The following GABRG3 variants were observed in gnomAD, a reference collection of about 807,000 sequenced individuals.
GABRG3 encodes the protein gamma-aminobutyric acid type A receptor subunit gamma3.
Under a neutral mutation model 48.8 loss-of-function variants are expected in GABRG3, and 25 were observed. That is an observed-to-expected ratio of 0.51 (90% CI 0.37 to 0.72). GABRG3 has a LOEUF of 0.72. Ranked by LOEUF, GABRG3 falls within the 30% of genes least tolerant of loss-of-function variation. GABRG3 has a pLI of 0.00. For missense variants in GABRG3, 394 were observed against 577.9 expected, an observed-to-expected ratio of 0.68 and a Z score of 3.26; for synonymous variants, 227 against 217.6, an observed-to-expected ratio of 1.04 and a Z score of -0.38.
intron 3 of GABRG3, among the ~76,000 whole-genome samples, chr15:27,206,236 G>C (rs1888847978): frequency 6.6e-6 from 1 of 152,102 alleles, no homozygotes; most frequent in Non-Finnish European, 1.5e-5. Flanking sequence ...GTGTCCCAGA[G>C]ATCTGGCATG....
intron 5 of GABRG3, among the ~76,000 whole-genome samples, chr15:27,410,282 A>G (rs531873868): frequency 4.5e-4 from 68 of 152,306 alleles, no homozygotes; most frequent in African/African-American, 1.6e-3. Flanking sequence ...CCTTTTAACA[A>G]ATGGCTGGAT....
intron 5 of GABRG3, among the ~76,000 whole-genome samples, chr15:27,381,496 T>G (rs1895775481): frequency 6.6e-6 from 1 of 152,196 alleles, no homozygotes; most frequent in South Asian, 2.1e-4. Context: ...CTCCAGCAAT[T>G]TGTCCATTAC....
intron 6 of GABRG3, among the ~76,000 whole-genome samples, chr15:27,505,345 G>A (rs1488531540): frequency 6.6e-6 from 1 of 152,104 alleles, no homozygotes; most frequent in African/African-American, 2.4e-5. Flanking sequence ...CCACTGTAAA[G>A]TTACAATATT....
chr15:27,251,192 G>A (rs557817241), intron 3 of GABRG3, among the ~76,000 whole-genome samples: 2 of 152,196 alleles, frequency 1.3e-5, no homozygotes, highest in South Asian at 2.1e-4. Context: ...GTCTTTCCTC[G>A]GCCCAGATTT....
intron 3 of GABRG3, among the ~76,000 whole-genome samples, chr15:27,135,276 C>T (rs1897988972): frequency 6.6e-6 from 1 of 152,134 alleles, no homozygotes; most frequent in Non-Finnish European, 1.5e-5. Flanking sequence ...TGATCTTAAT[C>T]AAGCAGAACT....
rs115323618 is a variant in GABRG3 at position 27,266,840 on chromosome 15, T to C, written c.271-59969T>C. On this transcript the variant is annotated intron_variant, in intron 3 of 9. Coordinates refer to ENST00000615808, the MANE Select transcript of GABRG3 (RefSeq NM_033223.5). ...CTTCTAATTGTTTGTGGCTAGTATA[T>C]AGACATACAATTTATTTTTGTATAT... Among the ~76,000 whole-genome samples the C allele has an allele frequency of 8.1e-3, 1,227 of 152,310 alleles. 12 individuals carry two copies. The highest frequency in any genetic ancestry group is 0.028 in the African/African-American group (1,172 of 41,568).
intron 3 of GABRG3, among the ~76,000 whole-genome samples, chr15:27,226,363 T>C (rs760112967): frequency 3.3e-5 from 5 of 152,134 alleles, no homozygotes; most frequent in African/African-American, 4.8e-5. Context: ...ACATGAGCTT[T>C]GTACTCCCGG....
chr15:27,373,007 A>G (rs1322551429), intron 5 of GABRG3, among the ~76,000 whole-genome samples: 1 of 152,198 alleles, frequency 6.6e-6, no homozygotes, highest in Non-Finnish European at 1.5e-5. Flanking sequence ...CACCTACAAA[A>G]TGCTCATGAC....
chr15:27,302,911 A>G (rs1892260488), intron 3 of GABRG3, among the ~76,000 whole-genome samples: 1 of 151,962 alleles, frequency 6.6e-6, no homozygotes. Context: ...GGGAAATTAG[A>G]AAATATTTTG....
chr15:27,375,041 G>T (rs935146485), intron 5 of GABRG3, among the ~76,000 whole-genome samples: 10 of 152,166 alleles, frequency 6.6e-5, no homozygotes, highest in Admixed American at 2.6e-4. Context: ...GGATAATTTT[G>T]GGGGGGTGGG....
intron 5 of GABRG3, among the ~76,000 whole-genome samples, chr15:27,464,802 C>A (rs1472492835): frequency 6.6e-6 from 1 of 152,060 alleles, no homozygotes; most frequent in Non-Finnish European, 1.5e-5. Context: ...TTTAAATGGA[C>A]TATTTGTCTT....
chr15:27,178,150 C>A (rs993559678), intron 3 of GABRG3, among the ~76,000 whole-genome samples: 6 of 152,132 alleles, frequency 3.9e-5, no homozygotes, highest in African/African-American at 1.4e-4. Flanking sequence ...AGGAGCCTGA[C>A]TAAAGTTTGG....
At chr15:27,050,383 C>T (rs1896436975) in intron 3 of GABRG3, among the ~76,000 whole-genome samples, 1 of 152,192 alleles carries the variant, frequency 6.6e-6, no homozygotes, top group Non-Finnish European at 1.5e-5. Context: ...AAATTACTGT[C>T]CCTTTCTCGC....
intron 2 of GABRG3, among the ~76,000 whole-genome samples, chr15:27,017,741 C>G (rs1895806220): frequency 6.6e-6 from 1 of 152,220 alleles, no homozygotes; most frequent in Non-Finnish European, 1.5e-5. Flanking sequence ...GCCAGGGGTG[C>G]TGCAGAGACC....
At chr15:27,073,183 G>A (rs983661605) in intron 3 of GABRG3, among the ~76,000 whole-genome samples, 35 of 152,188 alleles carry the variant, frequency 2.3e-4, no homozygotes, top group African/African-American at 8.4e-4. Context: ...CTCCCTCCTG[G>A]AAAGGGAATA....
At chr15:27,207,660 C>T (rs1024620512) in intron 3 of GABRG3, among the ~76,000 whole-genome samples, 1 of 152,154 alleles carries the variant, frequency 6.6e-6, no homozygotes, top group African/African-American at 2.4e-5. Flanking sequence ...ACCAGGGGGG[C>T]ACAGATGTGG....
chr15:27,324,687 G>C (rs1163860133), intron 3 of GABRG3, among the ~76,000 whole-genome samples: 1 of 152,072 alleles, frequency 6.6e-6, no homozygotes, highest in Non-Finnish European at 1.5e-5. Flanking sequence ...CCTTAAAACC[G>C]AGCCAACTTT....
chr15:27,021,677 CA>C (rs377258154), intron 2 of GABRG3, among the ~76,000 whole-genome samples: 2 of 151,658 alleles, frequency 1.3e-5, no homozygotes, highest in East Asian at 1.9e-4. Context: ...TCTATTTCTA[CA>C]AAAAAAATTA....
intron 3 of GABRG3, among the ~76,000 whole-genome samples, chr15:27,234,561 A>C (rs1889897798): frequency 4.6e-5 from 7 of 152,114 alleles, no homozygotes. Flanking sequence ...TTTATCACAC[A>C]CATGAGGAGG....
Sources: allele counts gnomAD v4.1 joint callset (sites outside exome capture counted in the v4.1 genomes callset), GRCh38; gene constraint gnomAD v4.1.1; transcripts MANE v1.5; gene names NCBI Gene and HGNC (gene_info 2026-07-23, HGNC 2026-07-21).